Variants in ADAM11 observed in about 807,000 individuals in gnomAD.
ADAM11 encodes the protein disintegrin and metalloproteinase domain-containing protein 11.
Under a neutral mutation model 119.1 loss-of-function variants are expected in ADAM11, and 49 were observed. The ratio of observed to expected loss-of-function variants is 0.41; its 90% CI spans 0.33 to 0.52. ADAM11 has a LOEUF of 0.52. ADAM11 is among the 20% of genes least tolerant of loss of function. The pLI, the probability that ADAM11 is intolerant of heterozygous loss-of-function variation, is 0.20. For missense variants in ADAM11, 777 were observed against 1,047.5 expected, an observed-to-expected ratio of 0.74 and a Z score of 3.56; for synonymous variants, 364 against 408.0, an observed-to-expected ratio of 0.89 and a Z score of 1.30.
chr17:44,779,605 C>A (rs1001882159), intron 26 of ADAM11, 134 bp from the exon 27 acceptor site: 9 of 1,486,340 alleles, frequency 6.1e-6, no homozygotes, highest in Non-Finnish European at 8.0e-6. Context: ...TGACCTCCCG[C>A]AGATCCCTTC....
At chr17:44,764,918 G>C (rs2049429025) in intron 2 of ADAM11, among the ~76,000 whole-genome samples, 1 of 151,970 alleles carries the variant, frequency 6.6e-6, no homozygotes, top group Admixed American at 6.6e-5. Context: ...GATATTTAGG[G>C]GTTACTTGTC....
Position 44,759,759 on chromosome 17 carries a change from G to T in ADAM11, c.99G>T (p.Trp33Cys), listed in dbSNP as rs770843486. ...AAGGTCCTGCTGGAGCTCTGCGATG[G>T]GGGGGCTTACCCCAGCTGGGAGGCC... ...GTQGPAGALR[W>C]GGLPQLGGPG... is the part of the protein sequence containing the mutation. Residue 33 changes from tryptophan to cysteine, a missense_variant, in exon 2 of 27, where the codon TGG becomes TGT. By Grantham distance (215) the Trp-to-Cys change is radical. Coordinates refer to ENST00000200557, the MANE Select transcript of ADAM11 (RefSeq NM_002390.6). 9.1e-6 allele frequency: 12 copies of T among 1,325,562 alleles called. No homozygotes were observed. In the East Asian group the frequency reaches 3.3e-4, roughly 37 times the overall value. 82.1% of individuals were successfully genotyped at this position (1,325,562 alleles called of 1,614,324 possible). A position where few individuals can be genotyped will look rare whatever the true frequency, so the allele number is the denominator to read the frequency against.
At position 44,780,168 on chromosome 17, in the gene ADAM11, G is replaced by A. The variant is rs1197524512; in HGVS notation, c.*414G>A. 1.8e-6 allele frequency: 1 copy of A among 541,564 alleles called. No individual in the cohort carries two copies. The highest frequency in any genetic ancestry group is 1.9e-5 in the African/African-American group (1 of 53,124). The allele number at this position is 541,564 out of a possible 1,614,324, so 33.5% of individuals were successfully genotyped here. Reference sequence around the variant, plus strand: ...GTCTTACCTCTCTGGGACCTAGGGGGACGGGGCTGACATCTACATTTTTTA... The same window carrying A: ...GTCTTACCTCTCTGGGACCTAGGGGAACGGGGCTGACATCTACATTTTTTA... On this transcript the variant is annotated 3_prime_UTR_variant, in exon 27 of 27. Transcript: ENST00000200557.
In ADAM11 at chr17:44,778,092, G is replaced by T. The variant is rs186344514; in HGVS notation, c.2185+26G>T. The T allele has an allele frequency of 4.4e-4, 703 of 1,610,612 alleles. 3 individuals are homozygous for T. The East Asian group carries it at 0.012, about 29-fold the overall frequency. The stretch of plus-strand genomic sequence containing the variant: ...GTGAGGCTGGAGCTGGCCGAGGGGG[G>T]TCTGTCTGTCCTGCTCTCTATGCCT... On this transcript the variant is annotated intron_variant, in intron 24 of 26. Transcript: ENST00000200557.
chr17:44,775,318 GC>G lies in ADAM11; in HGVS notation c.1320+11del. On this transcript the variant is annotated splice_region_variant and intron_variant, in intron 15 of 26. Transcript: ENST00000200557. The surrounding 1 kb of genome is among the most constrained non-coding windows in gnomAD (Gnocchi z 7.5). Reference sequence around the variant, plus strand: ...CTTCAACAAGCCCCTCAAGGTACCAGCCCCGCGGCGGGGAGCATGGGAGCGG... The same window carrying G: ...CTTCAACAAGCCCCTCAAGGTACCAGCCCGCGGCGGGGAGCATGGGAGCGG... The G allele has an allele frequency of 6.2e-7, 1 of 1,613,716 alleles. No homozygotes were observed. The highest frequency in any genetic ancestry group is 1.1e-5 in the South Asian group (1 of 91,088).
chr17:44,775,394 C>A lies in ADAM11; in HGVS notation c.1321C>A (p.Leu441Ile). 1.2e-6 allele frequency: 2 copies of A among 1,612,568 alleles called. No homozygotes were observed. The highest frequency in any genetic ancestry group is 8.5e-7 in the Non-Finnish European group (1 of 1,179,766). The change falls in exon 16 of 27, where the codon CTC becomes ATC. Residue 441 changes from leucine to isoleucine, a missense_variant and splice_region_variant. Physicochemically the swap from Leu to Ile is conservative, Grantham distance 5. Transcript: ENST00000200557. The surrounding 1 kb of genome is among the most constrained non-coding windows in gnomAD (Gnocchi z 7.5). ...CTCCCGACCTGTCCTCCCGGTCCAG[C>A]TCCTGGACCCCCCAGAGTGCGGGAA... Reference protein sequence around the residue: ...GSCLFNKPLKLLDPPECGNGF... With the variant: ...GSCLFNKPLKILDPPECGNGF...
rs751093674 is a variant in ADAM11 at position 44,769,969 on chromosome 17, C to T, written c.315-13C>T. 2 of 1,613,914 alleles carry T rather than the reference C, an allele frequency of 1.2e-6. No homozygotes were observed. The highest frequency in any genetic ancestry group is 1.7e-6 in the Non-Finnish European group (2 of 1,179,930). ...GCCCGTGACCCCCCTTCCTGCTGCC[C>T]CCTCTGTCTCAGCCACCTCCTCTCC... On this transcript the variant is annotated splice_polypyrimidine_tract_variant and intron_variant, in intron 3 of 26. Coordinates refer to ENST00000200557, the MANE Select transcript of ADAM11 (RefSeq NM_002390.6).
chr17:44,772,240 C>G lies in ADAM11; in HGVS notation c.544-27C>G, dbSNP rs758728976. ...GCCTGGAGCAGGCCCAGTTGGCACC[C>G]CAAGAACTAATTTCCCCTCATTGCA... On this transcript the variant is annotated intron_variant, in intron 6 of 26. Coordinates refer to ENST00000200557, the MANE Select transcript of ADAM11 (RefSeq NM_002390.6). This position sits in a 1 kb window ranked among gnomAD's most constrained non-coding sequence, Gnocchi z 4.5. 1 of 1,595,734 alleles carries G rather than the reference C, an allele frequency of 6.3e-7. No individual in the cohort carries two copies. Among genetic ancestry groups the G allele is most frequent in the South Asian group, 1.1e-5 (1 of 88,376 alleles).
chr17:44,778,267 C>T, intron 25 of ADAM11, 25 bp downstream of exon 25: 2 of 1,597,482 alleles, frequency 1.3e-6, no homozygotes, highest in Non-Finnish European at 1.7e-6. Flanking sequence ...CACCCTGTGC[C>T]CCCTGGCATC....
At chr17:44,759,615 G>A in intron 1 of ADAM11, 107 bp from the exon 2 acceptor site, 1 of 1,305,962 alleles carries the variant, frequency 7.7e-7, no homozygotes. Context: ...ATCGCCCTAG[G>A]GCTCCAGGGG....
At chr17:44,774,673 C>T in intron 13 of ADAM11, 25 bp from the exon 14 acceptor site, 1 of 1,591,772 alleles carries the variant, frequency 6.3e-7, no homozygotes, top group Non-Finnish European at 8.6e-7. Flanking sequence ...TGGCCTCCCT[C>T]ATATCCGCCT....
intron 14 of ADAM11, among the ~76,000 whole-genome samples, chr17:44,774,988 C>T (rs2049578584): frequency 1.3e-5 from 2 of 152,236 alleles, no homozygotes; most frequent in African/African-American, 2.4e-5. Context: ...CCAAGCCTCG[C>T]ATGGAGACAC....
At chr17:44,767,128 G>C (rs1262107256) in intron 2 of ADAM11, among the ~76,000 whole-genome samples, 3 of 151,962 alleles carry the variant, frequency 2.0e-5, no homozygotes, top group Admixed American at 6.6e-5. Context: ...GGATGCCAAG[G>C]GTGGATCACA....
intron 2 of ADAM11, among the ~76,000 whole-genome samples, chr17:44,768,882 C>G (rs2049483401): frequency 6.6e-6 from 1 of 152,036 alleles, no homozygotes; most frequent in African/African-American, 2.4e-5. Context: ...TGGAGAAGGC[C>G]CCAGCCCTGA....
In ADAM11 at chr17:44,778,134, C is replaced by T; in HGVS notation, c.2186-18C>T. On this transcript the variant is annotated intron_variant, in intron 24 of 26. Coordinates refer to ENST00000200557, the MANE Select transcript of ADAM11 (RefSeq NM_002390.6). The stretch of plus-strand genomic sequence containing the variant: ...TCTATGCCTGTCCTTGCCAGCTAAG[C>T]CCTGCCATCCTCCCCAGGTCCCAGC... 2 of 1,612,878 alleles carry T rather than the reference C, an allele frequency of 1.2e-6. No individual in the cohort carries two copies. Among genetic ancestry groups the T allele is most frequent in the African/African-American group, 1.3e-5 (1 of 75,044 alleles).
Position 44,777,001 on chromosome 17 carries a change from A to G in ADAM11, c.1681+39A>G, listed in dbSNP as rs1186824872. 1 of 1,594,820 alleles carries G rather than the reference A, an allele frequency of 6.3e-7. No individual in the cohort carries two copies. The highest frequency in any genetic ancestry group is 1.3e-5 in the African/African-American group (1 of 74,386). On this transcript the variant is annotated intron_variant, in intron 20 of 26. Transcript: ENST00000200557. This position sits in a 1 kb window ranked among gnomAD's most constrained non-coding sequence, Gnocchi z 5.1. ...GGGCTGGGAGTGGGGACTCCGGAGGACCCAGAGCTGAGAAGCTGGGGAGAG... is the reference window on the plus strand; with the variant it reads ...GGGCTGGGAGTGGGGACTCCGGAGGGCCCAGAGCTGAGAAGCTGGGGAGAG...
chr17:44,766,396 T>C (rs910598629), intron 2 of ADAM11, among the ~76,000 whole-genome samples: 2 of 152,212 alleles, frequency 1.3e-5, no homozygotes, highest in African/African-American at 4.8e-5. Flanking sequence ...TTCTGGGTCT[T>C]TGGCAGAATC....
chr17:44,759,652 G>C, intron 1 of ADAM11, 70 bp from the exon 2 acceptor site: 1 of 1,307,106 alleles, frequency 7.7e-7, no homozygotes, highest in Non-Finnish European at 9.8e-7. Flanking sequence ...GATGAGGCAT[G>C]CCCACCCCAT....
At position 44,769,714 on chromosome 17, in the gene ADAM11, C is replaced by T; in HGVS notation, c.238-4C>T. ...GACTCCCCCTCTGCCCTCCCCCCAC[C>T]CAGCCTGTCCATCTGGCCCAGGTGA... On this transcript the variant is annotated splice_region_variant and splice_polypyrimidine_tract_variant and intron_variant, in intron 2 of 26. Coordinates refer to ENST00000200557, the MANE Select transcript of ADAM11 (RefSeq NM_002390.6). 1 of 1,606,190 alleles carries T rather than the reference C, an allele frequency of 6.2e-7. No individual in the cohort carries two copies. The highest frequency in any genetic ancestry group is 8.5e-7 in the Non-Finnish European group (1 of 1,172,918).
Sources: allele counts gnomAD v4.1 joint callset (sites outside exome capture counted in the v4.1 genomes callset), GRCh38; gene constraint gnomAD v4.1.1; non-coding constraint Gnocchi (gnomAD v3.1); transcripts MANE v1.5; gene names NCBI Gene and HGNC (gene_info 2026-07-23, HGNC 2026-07-21).